TAFA2: variants seen among roughly 807,000 people sequenced by gnomAD.
The protein encoded by TAFA2 is TAFA chemokine like family member 2, also known as chemokine-like protein TAFA-2.
Under a neutral mutation model 18.8 loss-of-function variants are expected in TAFA2, and 7 were observed. The observed-to-expected ratio is 0.37, with a 90% CI of 0.21 to 0.70. TAFA2 has a LOEUF of 0.70. Ranked by LOEUF, TAFA2 falls within the 30% of genes least tolerant of loss-of-function variation. The pLI, the probability that TAFA2 is intolerant of heterozygous loss-of-function variation, is 0.53. For missense variants in TAFA2, 122 were observed against 158.1 expected, an observed-to-expected ratio of 0.77 and a Z score of 1.23; for synonymous variants, 60 against 54.2, an observed-to-expected ratio of 1.11 and a Z score of -0.47.
At chr12:61,839,011 AG>A (rs1832565402) in intron 2 of TAFA2, among the ~76,000 whole-genome samples, 1 of 152,060 alleles carries the variant, frequency 6.6e-6, no homozygotes, top group South Asian at 2.1e-4. Context: ...GAAATAATGC[AG>A]GACTATTAGA....
chr12:61,760,420 AAAG>A (rs1027581852), intron 2 of TAFA2, among the ~76,000 whole-genome samples: 1 of 144,496 alleles, frequency 6.9e-6, no homozygotes, highest in Non-Finnish European at 1.5e-5. Flanking sequence ...GAGATACTTC[AAAG>A]AAGGAAATTA....
intron 2 of TAFA2, among the ~76,000 whole-genome samples, chr12:61,839,550 C>A (rs150064131): frequency 6.6e-6 from 1 of 152,006 alleles, no homozygotes; most frequent in Non-Finnish European, 1.5e-5. Flanking sequence ...TACATACACA[C>A]GATGGAATAC....
At chr12:61,934,392 G>T (rs1400070544) in intron 1 of TAFA2, among the ~76,000 whole-genome samples, 2 of 152,160 alleles carry the variant, frequency 1.3e-5, no homozygotes, top group Non-Finnish European at 2.9e-5. Context: ...GGGAAATAAA[G>T]CCTAATCTTC....
In TAFA2 at chr12:61,768,816, T is replaced by A. The variant is rs564315583; in HGVS notation, c.107-13792A>T. On this transcript the variant is annotated intron_variant, in intron 2 of 4. Coordinates refer to ENST00000416284, the MANE Select transcript of TAFA2 (RefSeq NM_178539.5). The stretch of plus-strand genomic sequence containing the variant: ...GTAACAATTTTGACTGAACATGAAG[T>A]TTCCTAGACAGAATCTGGGGGAGGG... Among the ~76,000 whole-genome samples the A allele has an allele frequency of 2.1e-3, 315 of 151,956 alleles. 1 individual carries two copies. Among genetic ancestry groups the A allele is most frequent in the Non-Finnish European group, 2.7e-3 (183 of 67,946 alleles).
intron 3 of TAFA2, among the ~76,000 whole-genome samples, chr12:61,754,472 T>A (rs191421478): frequency 1.3e-5 from 2 of 151,936 alleles, no homozygotes; most frequent in African/African-American, 2.4e-5. Context: ...CTCATATACA[T>A]GGTGCTATTT....
chr12:62,178,285 G>A (rs1219063179), intron 1 of TAFA2, among the ~76,000 whole-genome samples: 1 of 152,120 alleles, frequency 6.6e-6, no homozygotes, highest in Non-Finnish European at 1.5e-5. Context: ...GAATGACAGA[G>A]TCTCTAAAAA....
chr12:61,775,662 A>G (rs1043812434), intron 2 of TAFA2, among the ~76,000 whole-genome samples: 1 of 151,830 alleles, frequency 6.6e-6, no homozygotes, highest in Non-Finnish European at 1.5e-5. Flanking sequence ...AGAACACAGG[A>G]TTTTTAGGGC....
intron 1 of TAFA2, among the ~76,000 whole-genome samples, chr12:62,077,477 T>G (rs1484386195): frequency 6.6e-6 from 1 of 152,200 alleles, no homozygotes; most frequent in East Asian, 1.9e-4. Context: ...AAAAGGAAAG[T>G]AATATTGTTG....
intron 1 of TAFA2, among the ~76,000 whole-genome samples, chr12:62,188,934 C>T (rs937592535): frequency 2.0e-5 from 3 of 152,130 alleles, no homozygotes; most frequent in African/African-American, 7.2e-5. Flanking sequence ...AATCCATAGG[C>T]AACTCAATGA....
At chr12:61,932,668 T>C (rs1017810286) in intron 1 of TAFA2, among the ~76,000 whole-genome samples, 1 of 152,148 alleles carries the variant, frequency 6.6e-6, no homozygotes, top group African/African-American at 2.4e-5. Context: ...TCTTGAACTC[T>C]TGACCTCGTG....
chr12:61,951,891 T>TA (rs5798623), intron 1 of TAFA2, among the ~76,000 whole-genome samples: 94,608 of 148,870 alleles, frequency 0.64, 31,689 homozygotes, highest in South Asian at 0.82. Flanking sequence ...TTCACTTAAT[T>TA]AAAAAAAAAA....
At chr12:61,876,327 G>C (rs185736381) in intron 1 of TAFA2, among the ~76,000 whole-genome samples, 10 of 152,278 alleles carry the variant, frequency 6.6e-5, no homozygotes, top group African/African-American at 1.7e-4. Context: ...GTGAAAAAGT[G>C]AGTGAGAACA....
At chr12:62,014,822 T>C (rs913095659) in intron 1 of TAFA2, among the ~76,000 whole-genome samples, 1 of 152,044 alleles carries the variant, frequency 6.6e-6, no homozygotes, top group Admixed American at 6.6e-5. Flanking sequence ...CCAACCAGAT[T>C]TGGAAACCAC....
chr12:62,040,101 G>A (rs1397491762), intron 1 of TAFA2, among the ~76,000 whole-genome samples: 2 of 152,136 alleles, frequency 1.3e-5, no homozygotes, highest in African/African-American at 4.8e-5. Context: ...ATAAACATCT[G>A]TGATGTCTAC....
rs570020474 is a variant in TAFA2 at position 62,131,579 on chromosome 12, G to T, written c.-2+59680C>A. Among the ~76,000 whole-genome samples, 16 of 152,096 alleles carry T rather than the reference G, an allele frequency of 1.1e-4. 1 individual carries two copies. In the South Asian group the frequency reaches 3.3e-3, roughly 32 times the overall value. ...AAGACCACTTTTGAAGAGTGGCCCT[G>T]TGTGTACTGCACCAAATACATTATA... On this transcript the variant is annotated intron_variant, in intron 1 of 4. Transcript: ENST00000416284.
chr12:62,011,216 G>A (rs972135990), intron 1 of TAFA2, among the ~76,000 whole-genome samples: 6 of 152,140 alleles, frequency 3.9e-5, no homozygotes, highest in South Asian at 2.1e-4. Flanking sequence ...CTGCCAGGCC[G>A]CCCTGTCTGG....
chr12:62,118,858 C>T (rs867529002), intron 1 of TAFA2, among the ~76,000 whole-genome samples: 1 of 152,082 alleles, frequency 6.6e-6, no homozygotes, highest in East Asian at 1.9e-4. Flanking sequence ...ATCCTTTGTC[C>T]GTTATGTAGA....
intron 1 of TAFA2, among the ~76,000 whole-genome samples, chr12:62,024,906 G>A (rs768250335): frequency 6.6e-6 from 1 of 152,076 alleles, no homozygotes; most frequent in African/African-American, 2.4e-5. Flanking sequence ...AAACCGCAAT[G>A]AGATACCATC....
In TAFA2 at chr12:62,225,788, T is replaced by G. The variant is rs12321178; in HGVS notation, c.-130+32975A>C. Among the ~76,000 whole-genome samples the G allele has an allele frequency of 9.5e-3, 1,453 of 152,330 alleles. 26 individuals are homozygous for G. The highest frequency in any genetic ancestry group is 0.033 in the African/African-American group (1,380 of 41,564). Reference sequence around the variant, plus strand: ...ACCCCAAAATATGAATTTTTACATGTAAGTTTGACAAGGATCAGAAAGTTT... The same window carrying G: ...ACCCCAAAATATGAATTTTTACATGGAAGTTTGACAAGGATCAGAAAGTTT... On this transcript the variant is annotated intron_variant, in intron 1 of 5. Coordinates refer to the TAFA2 transcript ENST00000551619.
Sources: gnomAD v4.1 joint callset for allele counts (sites outside exome capture counted in the v4.1 genomes callset) on GRCh38, gnomAD v4.1.1 for gene constraint, MANE v1.5 for transcripts, NCBI Gene and HGNC (gene_info 2026-07-23, HGNC 2026-07-21) for gene names.